Variants in COL12A1 observed in about 807,000 individuals in gnomAD.
The protein encoded by COL12A1 is collagen alpha-1(XII) chain.
In COL12A1, 114 loss-of-function variants were observed where a neutral mutation model predicts 349.7. The ratio of observed to expected loss-of-function variants is 0.33; its 90% CI spans 0.28 to 0.38. COL12A1 has a LOEUF of 0.38. Ranked by LOEUF, COL12A1 falls within the 10% of genes least tolerant of loss-of-function variation. The probability of loss-of-function intolerance (pLI) is 1.00; values close to 1 mark genes in which losing one functional copy is unlikely to be tolerated. For synonymous variants in COL12A1, 1,369 were observed against 1,329.0 expected (o/e 1.03, Z -0.66); for missense variants, 3,284 against 3,756.9 (o/e 0.87, Z 3.29).
At position 75,188,440 on chromosome 6, in the gene COL12A1, C is replaced by T. The variant is rs1769746776; in HGVS notation, c.919G>A (p.Asp307Asn). 18 of 1,613,634 alleles carry T rather than the reference C, an allele frequency of 1.1e-5. No individual in the cohort carries two copies. The East Asian group carries it at 4.0e-4, about 36-fold the overall frequency. Residue 307 changes from aspartate to asparagine, a missense_variant, in exon 8 of 66, where the codon GAT (aspartate) becomes AAT (asparagine). Asp to Asn is a conservative substitution (Grantham distance 23). Coordinates refer to ENST00000322507, the MANE Select transcript of COL12A1 (RefSeq NM_004370.6). ...FNVANFDAIV[D>N]IQNEIISQVC... ...TGGGAGATGATCTCATTCTGAATAT[C>T]CACAATTGCATCAAAGTTGGCCACA...
chr6:75,099,426 A>C (rs926168652), intron 58 of COL12A1, among the ~76,000 whole-genome samples: 2 of 152,198 alleles, frequency 1.3e-5, no homozygotes, highest in Non-Finnish European at 2.9e-5. Context: ...CAACTACTAT[A>C]TAGGATGTTC....
chr6:75,124,810 G>C (rs1029880108), intron 40 of COL12A1, among the ~76,000 whole-genome samples: 1 of 151,970 alleles, frequency 6.6e-6, no homozygotes, highest in African/African-American at 2.4e-5. Context: ...ATGTCAAGAA[G>C]AACTAAGTAG....
Position 75,115,965 on chromosome 6 carries a change from T to C in COL12A1, c.7559-43A>G. ...AAATATTAAACGGAGTACATTTTAA[T>C]TATTTTATTGCTTAAATCTGGAAAT... On this transcript the variant is annotated intron_variant, in intron 48 of 65. Coordinates refer to ENST00000322507, the MANE Select transcript of COL12A1 (RefSeq NM_004370.6). 3 of 1,612,416 alleles carry C rather than the reference T, an allele frequency of 1.9e-6. No individual in the cohort carries two copies. The African/African-American group carries it at 4.0e-5, about 22-fold the overall frequency.
intron 52 of COL12A1, 124 bp downstream of exon 52, chr6:75,108,894 G>C: frequency 2.9e-6 from 3 of 1,035,244 alleles, no homozygotes; most frequent in Non-Finnish European, 4.3e-6. Flanking sequence ...ATCTGACCAA[G>C]AAATTTGACA....
intron 13 of COL12A1, among the ~76,000 whole-genome samples, chr6:75,166,736 C>T (rs1229681256): frequency 6.6e-6 from 1 of 152,000 alleles, no homozygotes. Context: ...AATGCTCTTA[C>T]AAGAATTTTA....
chr6:75,095,676 G>C (rs1582039274), intron 59 of COL12A1, among the ~76,000 whole-genome samples: 2 of 149,510 alleles, frequency 1.3e-5, no homozygotes, highest in Non-Finnish European at 3.0e-5. Flanking sequence ...AAAAACTCTT[G>C]ACAACTACAG....
intron 21 of COL12A1, 95 bp from the exon 22 acceptor site, chr6:75,148,592 C>T: frequency 9.1e-7 from 1 of 1,100,024 alleles, no homozygotes; most frequent in Non-Finnish European, 1.3e-6. Flanking sequence ...GCTCCATATT[C>T]TAAGCTTTCA....
intron 61 of COL12A1, 30 bp downstream of exon 61, chr6:75,091,460 A>G (rs1384566790): frequency 1.2e-6 from 2 of 1,612,810 alleles, no homozygotes; most frequent in African/African-American, 1.3e-5. Flanking sequence ...AACACACAAA[A>G]TAAACGTAAG....
intron 2 of COL12A1, among the ~76,000 whole-genome samples, chr6:75,199,824 C>T (rs1348209223): frequency 6.6e-6 from 1 of 152,048 alleles, no homozygotes; most frequent in Non-Finnish European, 1.5e-5. Context: ...AAAAATATAG[C>T]TCCTAATACA....
At chr6:75,197,874 T>C (rs1034765480) in intron 2 of COL12A1, among the ~76,000 whole-genome samples, 1 of 152,226 alleles carries the variant, frequency 6.6e-6, no homozygotes, top group Non-Finnish European at 1.5e-5. Context: ...TCTGATGAAA[T>C]TTTTGTTACA....
intron 51 of COL12A1, among the ~76,000 whole-genome samples, chr6:75,110,059 C>A (rs1768756252): frequency 6.6e-6 from 1 of 152,042 alleles, no homozygotes; most frequent in African/African-American, 2.4e-5. Context: ...ACCGCCAAAC[C>A]ATAAGTTTAC....
chr6:75,103,685 C>A, intron 55 of COL12A1, 72 bp downstream of exon 55: 2 of 1,355,944 alleles, frequency 1.5e-6, no homozygotes, highest in Non-Finnish European at 2.1e-6. Flanking sequence ...CACATACCCC[C>A]TTTGTGAAAA....
intron 14 of COL12A1, among the ~76,000 whole-genome samples, chr6:75,164,392 T>C (rs771584883): frequency 1.3e-5 from 2 of 152,132 alleles, no homozygotes; most frequent in East Asian, 3.9e-4. Flanking sequence ...GCCAGAAAAA[T>C]CACCAAATTC....
chr6:75,163,284 T>C (rs1448056404), intron 14 of COL12A1, among the ~76,000 whole-genome samples: 1 of 152,140 alleles, frequency 6.6e-6, no homozygotes, highest in African/African-American at 2.4e-5. Context: ...AGTGACAGAC[T>C]GGATAAAGAA....
chr6:75,117,291 G>T, intron 47 of COL12A1, 91 bp downstream of exon 47: 1 of 1,324,234 alleles, frequency 7.6e-7, no homozygotes, highest in Non-Finnish European at 1.1e-6. Flanking sequence ...TTTATGCACA[G>T]ACTTGATCCC....
intron 17 of COL12A1, 108 bp from the exon 18 acceptor site, chr6:75,152,590 T>A: frequency 8.1e-7 from 1 of 1,239,266 alleles, no homozygotes; most frequent in Admixed American, 1.8e-5. Context: ...CCTGTCTCAG[T>A]ACTATGGTCT....
intron 46 of COL12A1, among the ~76,000 whole-genome samples, chr6:75,118,135 A>T (rs9447448): frequency 0.041 from 6,268 of 152,274 alleles, 438 homozygotes; most frequent in African/African-American, 0.14. Flanking sequence ...AATTAGAAAT[A>T]TATTTAGATA....
In COL12A1 at chr6:75,113,683, G is replaced by T. The variant is rs1334212272; in HGVS notation, c.7759C>A (p.Pro2587Thr). 3 of 1,606,568 alleles carry T rather than the reference G, an allele frequency of 1.9e-6. No individual in the cohort carries two copies. In the African/African-American group the frequency reaches 4.0e-5, roughly 22 times the overall value. The change falls in exon 50 of 66, where the codon CCA (proline) becomes ACA (threonine). Residue 2587 changes from proline (P) to threonine (T), a missense_variant. Transcript: ENST00000322507. ...GCAAAAGGGTCACTGGGAGTTTCTGGGAGAAGTCTGAATAATAATATAATC... is the reference window on the plus strand; with the variant it reads ...GCAAAAGGGTCACTGGGAGTTTCTGTGAGAAGTCTGAATAATAATATAATC... ...YTIILLFRLL[P>T]ETPSDPFAIW... is the part of the protein sequence containing the mutation.
chr6:75,102,116 C>A, intron 56 of COL12A1, 64 bp from the exon 57 acceptor site: 4 of 1,469,620 alleles, frequency 2.7e-6, no homozygotes, highest in Non-Finnish European at 3.8e-6. Flanking sequence ...AAAAGGAAGA[C>A]ATGAGTCACT....
Sources: gnomAD v4.1 joint callset for allele counts (sites outside exome capture counted in the v4.1 genomes callset) on GRCh38, gnomAD v4.1.1 for gene constraint, MANE v1.5 for transcripts, NCBI Gene and HGNC (gene_info 2026-07-23, HGNC 2026-07-21) for gene names.